The following DPP10 variants were observed in gnomAD, a reference collection of about 807,000 sequenced individuals.
The protein encoded by DPP10 is dipeptidyl peptidase like 10.
DPP10 carries 33 observed loss-of-function variants against 120.9 expected under a neutral mutation model. The ratio of observed to expected loss-of-function variants is 0.27; its 90% CI spans 0.21 to 0.37. The LOEUF (loss-of-function observed/expected upper bound fraction) is 0.37. Ranked by LOEUF, DPP10 falls within the 10% of genes least tolerant of loss-of-function variation. DPP10 has a pLI of 1.00. For missense variants in DPP10, 816 were observed against 942.8 expected, an observed-to-expected ratio of 0.87 and a Z score of 1.76; for synonymous variants, 337 against 326.1, an observed-to-expected ratio of 1.03 and a Z score of -0.36.
chr2:115,251,355 C>T (rs2058742758), intron 1 of DPP10, among the ~76,000 whole-genome samples: 1 of 152,132 alleles, frequency 6.6e-6, no homozygotes, highest in Non-Finnish European at 1.5e-5. Context: ...GGCCCTATTT[C>T]TCCAACATAC....
chr2:114,676,185 A>C (rs1467228229), intron 1 of DPP10, among the ~76,000 whole-genome samples: 1 of 152,194 alleles, frequency 6.6e-6, no homozygotes, highest in East Asian at 1.9e-4. Flanking sequence ...TGACTGTAAT[A>C]TAAGTTATTC....
At chr2:114,709,645 C>T (rs534828261) in intron 1 of DPP10, among the ~76,000 whole-genome samples, 2 of 152,232 alleles carry the variant, frequency 1.3e-5, no homozygotes, top group South Asian at 4.1e-4. Context: ...CTGCCAAGAA[C>T]TAATTTCATT....
chr2:115,533,998 AGAAATAT>A (rs1251624761), intron 5 of DPP10, among the ~76,000 whole-genome samples: 2 of 152,110 alleles, frequency 1.3e-5, no homozygotes, highest in East Asian at 3.9e-4. Flanking sequence ...AGTAAACACA[AGAAATAT>A]TTTTGGAAGC....
chr2:114,473,089 T>A (rs1680064383), intron 1 of DPP10, among the ~76,000 whole-genome samples: 1 of 152,226 alleles, frequency 6.6e-6, no homozygotes, highest in Admixed American at 6.5e-5. Flanking sequence ...TTTGCCAAGC[T>A]TATTATCATT....
chr2:114,464,463 T>A (rs1365556236), intron 1 of DPP10, among the ~76,000 whole-genome samples: 1 of 152,228 alleles, frequency 6.6e-6, no homozygotes, highest in East Asian at 1.9e-4. Flanking sequence ...ATTGTTGATT[T>A]GTAAGAGGTT....
At chr2:115,705,038 C>T (rs1472972201) in intron 7 of DPP10, among the ~76,000 whole-genome samples, 2 of 151,864 alleles carry the variant, frequency 1.3e-5, no homozygotes, top group Non-Finnish European at 2.9e-5. Flanking sequence ...AAATTATCCA[C>T]ATCTCTCTAT....
chr2:115,490,052 G>A (rs2076019321), intron 3 of DPP10, among the ~76,000 whole-genome samples: 1 of 152,098 alleles, frequency 6.6e-6, no homozygotes, highest in Non-Finnish European at 1.5e-5. Flanking sequence ...CCCCACTGAT[G>A]ACATGTAAAC....
At chr2:114,606,867 G>GTAT (rs1431004184) in intron 1 of DPP10, among the ~76,000 whole-genome samples, 8 of 152,274 alleles carry the variant, frequency 5.3e-5, no homozygotes, top group African/African-American at 1.7e-4. Flanking sequence ...ACTTAGTGTG[G>GTAT]TTAAGCATAT....
chr2:114,449,469 C>CTT (rs75538905), intron 1 of DPP10, among the ~76,000 whole-genome samples: 7 of 139,882 alleles, frequency 5.0e-5, no homozygotes, highest in South Asian at 2.3e-4. Context: ...TGATGTTTTT[C>CTT]TTTTTTTTTT....
intron 1 of DPP10, among the ~76,000 whole-genome samples, chr2:114,653,027 A>AGTGTGTGTGTGTGT (rs10528455): frequency 0.013 from 1,711 of 135,638 alleles, 47 homozygotes; most frequent in African/African-American, 0.049. Flanking sequence ...AGAGAGAGAG[A>AGTGTGTGTGTGTGT]GTGTGTGTGT....
At chr2:115,341,433 T>C (rs2063441523) in intron 2 of DPP10, among the ~76,000 whole-genome samples, 1 of 152,170 alleles carries the variant, frequency 6.6e-6, no homozygotes, top group African/African-American at 2.4e-5. Flanking sequence ...GCACAATTGC[T>C]ATCACTCATG....
intron 1 of DPP10, among the ~76,000 whole-genome samples, chr2:115,208,100 A>G (rs1331098078): frequency 6.6e-6 from 1 of 152,198 alleles, no homozygotes; most frequent in Non-Finnish European, 1.5e-5. Context: ...GGGCCAATTG[A>G]ATAATCTTGA....
intron 3 of DPP10, among the ~76,000 whole-genome samples, chr2:115,359,813 T>A (rs1045051926): frequency 1.3e-5 from 2 of 152,078 alleles, no homozygotes; most frequent in Non-Finnish European, 2.9e-5. Context: ...TTCTTTAAAA[T>A]TTTTTTTAAT....
At chr2:115,349,715 T>C (rs6749876) in intron 3 of DPP10, among the ~76,000 whole-genome samples, 113,321 of 151,940 alleles carry the variant, frequency 0.75, 42,944 homozygotes, top group Non-Finnish European at 0.81. Context: ...TTAGGGGAAC[T>C]GTAAATAGGA....
At chr2:114,644,690 A>G (rs939009897) in intron 1 of DPP10, among the ~76,000 whole-genome samples, 2 of 151,878 alleles carry the variant, frequency 1.3e-5, no homozygotes, top group African/African-American at 4.9e-5. Context: ...GGAGAATGCT[A>G]GCCTTGTCCC....
At chr2:115,686,177 C>T (rs1046944017) in intron 5 of DPP10, among the ~76,000 whole-genome samples, 1 of 151,924 alleles carries the variant, frequency 6.6e-6, no homozygotes, top group Admixed American at 6.6e-5. Flanking sequence ...TGGTCATGTT[C>T]CTGTTTAAAA....
chr2:115,513,989 T>G (rs927282301), intron 4 of DPP10, among the ~76,000 whole-genome samples: 1 of 152,000 alleles, frequency 6.6e-6, no homozygotes, highest in Non-Finnish European at 1.5e-5. Flanking sequence ...TATTTAGAAA[T>G]GACAACTTCT....
chr2:114,922,711 G>A (rs182676460), intron 1 of DPP10, among the ~76,000 whole-genome samples: 23 of 152,030 alleles, frequency 1.5e-4, no homozygotes, highest in Admixed American at 3.3e-4. Flanking sequence ...ATGTTGTACC[G>A]TGAATCAACA....
chr2:115,625,464 A>G (rs1206552159), intron 5 of DPP10, among the ~76,000 whole-genome samples: 1 of 152,132 alleles, frequency 6.6e-6, no homozygotes, highest in Non-Finnish European at 1.5e-5. Context: ...TCATTATGAC[A>G]GTGTTAGTTT....
Sources: gnomAD v4.1 joint callset for allele counts (sites outside exome capture counted in the v4.1 genomes callset) on GRCh38, gnomAD v4.1.1 for gene constraint, MANE v1.5 for transcripts, NCBI Gene and HGNC (gene_info 2026-07-23, HGNC 2026-07-21) for gene names.